Variants in TRAPPC8 observed in about 807,000 individuals in gnomAD.
TRAPPC8 encodes trafficking protein particle complex subunit 8.
TRAPPC8 carries 54 observed loss-of-function variants against 174.3 expected under a neutral mutation model. That is an observed-to-expected ratio of 0.31 (90% CI 0.25 to 0.39). The LOEUF is 0.39. TRAPPC8 is among the 10% of genes least tolerant of loss of function. The probability of loss-of-function intolerance (pLI) is 1.00; values close to 1 mark genes in which losing one functional copy is unlikely to be tolerated. For synonymous variants in TRAPPC8, 630 were observed against 579.9 expected, an observed-to-expected ratio of 1.09 and a Z score of -1.24; for missense variants, 1,531 against 1,699.1, an observed-to-expected ratio of 0.90 and a Z score of 1.74.
intron 27 of TRAPPC8, among the ~76,000 whole-genome samples, chr18:31,836,512 T>A (rs962634255): frequency 2.6e-5 from 4 of 152,178 alleles, no homozygotes; most frequent in Non-Finnish European, 4.4e-5. Flanking sequence ...AGAAAGTACA[T>A]GAAGCAGGAC....
chr18:31,892,193 G>C (rs1270853374), intron 11 of TRAPPC8, among the ~76,000 whole-genome samples: 1 of 152,158 alleles, frequency 6.6e-6, no homozygotes, highest in Non-Finnish European at 1.5e-5. Flanking sequence ...CCTAGCCCAT[G>C]CTTCATGTCA....
chr18:31,912,854 G>A (rs868419014), intron 5 of TRAPPC8, among the ~76,000 whole-genome samples: 3 of 152,070 alleles, frequency 2.0e-5, no homozygotes, highest in Non-Finnish European at 4.4e-5. Flanking sequence ...CAGTCCAGGC[G>A]CGGTGGCTCA....
chr18:31,839,803 GGTT>G (rs1382587764), intron 26 of TRAPPC8, among the ~76,000 whole-genome samples: 3 of 152,166 alleles, frequency 2.0e-5, no homozygotes, highest in South Asian at 2.1e-4. Context: ...TAACTTCAAA[GGTT>G]GTTGTGATTC....
At chr18:31,895,363 G>A (rs373502403) in intron 11 of TRAPPC8, among the ~76,000 whole-genome samples, 37 of 152,188 alleles carry the variant, frequency 2.4e-4, no homozygotes, top group African/African-American at 8.4e-4. Context: ...TTTATGAAAG[G>A]TATAGCAGAA....
rs1272605723 is a variant in TRAPPC8 at position 31,915,177 on chromosome 18, T to C, written c.617+1095A>G. Among the ~76,000 whole-genome samples, 3 of 152,154 alleles carry C rather than the reference T, an allele frequency of 2.0e-5. No individual in the cohort carries two copies. The East Asian group carries it at 5.8e-4, about 29-fold the overall frequency. On this transcript the variant is annotated intron_variant, in intron 4 of 28. Coordinates refer to ENST00000283351, the MANE Select transcript of TRAPPC8 (RefSeq NM_014939.5). ...AGAAAGTTTGGGTAAGCATATGAAA[T>C]CTAACATAAGGCCAGGCGAGGTGGC...
At chr18:31,893,268 T>C (rs115848898) in intron 11 of TRAPPC8, among the ~76,000 whole-genome samples, 453 of 152,284 alleles carry the variant, frequency 3.0e-3, no homozygotes, top group African/African-American at 0.01. Context: ...TTTATTCTTT[T>C]GCAGGGAAGC....
chr18:31,858,773 A>T (rs1438456229), intron 19 of TRAPPC8, among the ~76,000 whole-genome samples: 1 of 152,174 alleles, frequency 6.6e-6, no homozygotes, highest in East Asian at 1.9e-4. Context: ...TCATACAGTA[A>T]GTTATCTGCA....
At chr18:31,909,942 C>G (rs930942277) in intron 5 of TRAPPC8, among the ~76,000 whole-genome samples, 182 bp from the exon 6 acceptor site, 1 of 152,142 alleles carries the variant, frequency 6.6e-6, no homozygotes, top group African/African-American at 2.4e-5. Context: ...ATCACTCCAA[C>G]TCACACCTAC....
At chr18:31,884,133 G>C (rs2035590420) in intron 12 of TRAPPC8, among the ~76,000 whole-genome samples, 1 of 152,172 alleles carries the variant, frequency 6.6e-6, no homozygotes, top group South Asian at 2.1e-4. Flanking sequence ...AGGTTGCAAT[G>C]AGCCGAGATG....
chr18:31,891,401 C>A (rs895233168), intron 11 of TRAPPC8, among the ~76,000 whole-genome samples: 1 of 152,102 alleles, frequency 6.6e-6, no homozygotes, highest in African/African-American at 2.4e-5. Flanking sequence ...AGGGCCAAAT[C>A]GACTGCATTT....
intron 2 of TRAPPC8, among the ~76,000 whole-genome samples, chr18:31,927,288 A>G (rs1434257699): frequency 1.3e-5 from 2 of 150,794 alleles, no homozygotes; most frequent in East Asian, 3.9e-4. Flanking sequence ...TTTTTTTTTG[A>G]GACTCACTCT....
At chr18:31,852,788 A>G in intron 22 of TRAPPC8, 125 bp from the exon 23 acceptor site, 1 of 803,130 alleles carries the variant, frequency 1.2e-6, no homozygotes, top group Non-Finnish European at 2.0e-6. Flanking sequence ...ATGTTTAATG[A>G]AGAACATCTT....
At chr18:31,932,436 A>G (rs2037887640) in intron 1 of TRAPPC8, among the ~76,000 whole-genome samples, 2 of 151,826 alleles carry the variant, frequency 1.3e-5, no homozygotes, top group African/African-American at 4.8e-5. Context: ...CCAAAAAAAA[A>G]AAAACAACAA....
At chr18:31,899,864 T>C (rs1336440480) in intron 10 of TRAPPC8, among the ~76,000 whole-genome samples, 2 of 151,650 alleles carry the variant, frequency 1.3e-5, no homozygotes, top group Non-Finnish European at 2.9e-5. Flanking sequence ...GAGAATCACT[T>C]GAACCTAGGA....
At chr18:31,935,555 A>AAAAAAAAAAAAAAAAAAC in intron 1 of TRAPPC8, among the ~76,000 whole-genome samples, 1 of 143,290 alleles carries the variant, frequency 7.0e-6, no homozygotes, top group African/African-American at 2.6e-5. Context: ...TCTTAAAAAA[A>AAAAAAAAAAAAAAAAAAC]AAAAAAAAAA....
At chr18:31,836,713 A>C (rs372756806) in intron 27 of TRAPPC8, among the ~76,000 whole-genome samples, 5 of 151,956 alleles carry the variant, frequency 3.3e-5, no homozygotes, top group East Asian at 3.9e-4. Flanking sequence ...TGGGCCAATC[A>C]AACTGGAACC....
intron 10 of TRAPPC8, among the ~76,000 whole-genome samples, chr18:31,899,287 T>C (rs1285115177): frequency 6.6e-6 from 1 of 152,214 alleles, no homozygotes; most frequent in Non-Finnish European, 1.5e-5. Flanking sequence ...TCCTCATCTG[T>C]AAAATGAGGA....
intron 26 of TRAPPC8, among the ~76,000 whole-genome samples, chr18:31,841,835 C>T (rs940002512): frequency 2.0e-5 from 3 of 152,030 alleles, no homozygotes; most frequent in African/African-American, 7.2e-5. Flanking sequence ...ATTACTTTAT[C>T]CCCCAGTATC....
chr18:31,921,222 AG>A (rs1189903115), intron 2 of TRAPPC8, among the ~76,000 whole-genome samples: 2 of 152,182 alleles, frequency 1.3e-5, no homozygotes, highest in Admixed American at 6.6e-5. Context: ...TTCAAAGAGA[AG>A]TAACAGAATA....
Sources: gnomAD v4.1 joint callset for allele counts (sites outside exome capture counted in the v4.1 genomes callset) on GRCh38, gnomAD v4.1.1 for gene constraint, MANE v1.5 for transcripts, NCBI Gene and HGNC (gene_info 2026-07-23, HGNC 2026-07-21) for gene names.